The following SLC16A3 variants were observed in gnomAD, a reference collection of about 807,000 sequenced individuals.
The protein encoded by SLC16A3 is monocarboxylate transporter 4.
In SLC16A3, 22 loss-of-function variants were observed where a neutral mutation model predicts 25.0. The ratio of observed to expected loss-of-function variants is 0.88; its 90% CI spans 0.63 to 1.26. SLC16A3 has a LOEUF of 1.26. SLC16A3 is among the 50% of genes most tolerant of loss of function. SLC16A3 has a pLI of 0.00. For missense variants in SLC16A3, 731 were observed against 666.6 expected (o/e 1.10, Z -1.06); for synonymous variants, 390 against 309.2 (o/e 1.26, Z -2.74).
chr17:82,236,055 C>T lies in SLC16A3; in HGVS notation c.47C>T (p.Pro16Leu), dbSNP rs1366902005. The T allele has an allele frequency of 1.9e-6, 3 of 1,612,670 alleles. No homozygotes were observed. The highest frequency in any genetic ancestry group is 2.5e-6 in the Non-Finnish European group (3 of 1,179,850). The part of the protein sequence containing the change: ...VDEGPTGVKA[P>L]DGGWGWAVLF... Reference sequence around the variant, plus strand: ...GAGGGCCCCACAGGCGTCAAGGCCCCTGACGGCGGCTGGGGCTGGGCCGTG... The same window carrying T: ...GAGGGCCCCACAGGCGTCAAGGCCCTTGACGGCGGCTGGGGCTGGGCCGTG... The change falls in exon 2 of 5, where the codon CCT (proline) becomes CTT (leucine). Residue 16 changes from proline (P) to leucine (L), a missense_variant. Physicochemically the swap from Pro to Leu is moderately conservative, Grantham distance 98. Transcript: ENST00000582743.
Position 82,235,701 on chromosome 17 carries a change from G to A in SLC16A3, c.-26-282G>A, listed in dbSNP as rs143487973. On this transcript the variant is annotated intron_variant, in intron 1 of 4. Coordinates refer to ENST00000582743, the MANE Select transcript of SLC16A3 (RefSeq NM_004207.4). ...TCCTGTCGGGGGCTGCTTGTCCCAG[G>A]AGGTAATCTGAGTCCTGGCCGAGCC... 1,520 of 480,202 alleles carry A rather than the reference G, an allele frequency of 3.2e-3. 14 individuals carry two copies. The highest frequency in any genetic ancestry group is 4.4e-3 in the Non-Finnish European group (1,140 of 261,434). 29.7% of individuals were successfully genotyped at this position (480,202 alleles called of 1,614,324 possible). A position where few individuals can be genotyped will look rare whatever the true frequency, so the allele number is the denominator to read the frequency against.
At position 82,236,209 on chromosome 17, in the gene SLC16A3, GC is replaced by G; in HGVS notation, c.202del (p.Leu68TrpfsTer15). On this transcript the variant is annotated frameshift_variant, in exon 2 of 5. Transcript: ENST00000582743. LOFTEE classifies it high-confidence loss of function. ...SDTAWISSILLAMLYGTGPLC... is the reference protein window; with the variant it reads ...SDTAWISSILXAMLYGTGPLC... ...ACACAGCCTGGATCTCCTCCATCCT[GC>G]TGGCCATGCTCTACGGGACAGGTGA... is the stretch of plus-strand genomic sequence containing the variant. The G allele has an allele frequency of 6.2e-7, 1 of 1,612,928 alleles. No individual in the cohort carries two copies. Among genetic ancestry groups the G allele is most frequent in the Non-Finnish European group, 8.5e-7 (1 of 1,179,942 alleles).
rs752663904 is a variant in SLC16A3, at chr17:82,237,632, G to C, written c.862G>C (p.Gly288Arg). Reference sequence around the variant, plus strand: ...GGCCGCGGGCTTCGTGGCGGGGCTTGGGAAGGTGCGGCCCTACTCCGTCTA... The same window carrying C: ...GGCCGCGGGCTTCGTGGCGGGGCTTCGGAAGGTGCGGCCCTACTCCGTCTA... ...RPAAGFVAGL[G>R]KVRPYSVYLF... The change falls in exon 4 of 5, where the codon GGG becomes CGG. Residue 288 changes from glycine (G) to arginine (R), a missense_variant. Gly to Arg is a moderately radical substitution (Grantham distance 125). Transcript: ENST00000582743. The C allele has an allele frequency of 6.8e-6, 11 of 1,612,746 alleles. No individual in the cohort carries two copies. The Admixed American group carries it at 1.2e-4, about 17-fold the overall frequency.
intron 1 of SLC16A3, among the ~76,000 whole-genome samples, chr17:82,233,178 G>C (rs2050528204): frequency 6.6e-6 from 1 of 152,222 alleles, no homozygotes; most frequent in Admixed American, 6.5e-5. Context: ...TGGGCAGACA[G>C]CTGGCTCCAA....
In SLC16A3 at chr17:82,237,458, C is replaced by G. The variant is rs750933594; in HGVS notation, c.688C>G (p.Leu230Val). 5 of 1,605,456 alleles carry G rather than the reference C, an allele frequency of 3.1e-6. No individual in the cohort carries two copies. Among genetic ancestry groups the G allele is most frequent in the Non-Finnish European group, 4.2e-6 (5 of 1,177,968 alleles). The change falls in exon 4 of 5, where the codon CTT (leucine) becomes GTT (valine). Residue 230 changes from leucine (L) to valine (V), a missense_variant. Leu to Val is a conservative substitution (Grantham distance 32). Transcript: ENST00000582743. ...LSVFRDRGFV[L>V]YAVAASVMVL... The stretch of plus-strand genomic sequence containing the variant: ...CGTCTTCCGGGACCGCGGCTTTGTG[C>G]TTTACGCCGTGGCCGCCTCGGTCAT...
intron 1 of SLC16A3, among the ~76,000 whole-genome samples, chr17:82,218,340 TG>T (rs34801088): frequency 5.9e-5 from 3 of 50,746 alleles, no homozygotes; most frequent in African/African-American, 1.7e-4. Flanking sequence ...CCTCGGTCAC[TG>T]GGGGGGTGGA....
rs760307194 is a variant in SLC16A3 at position 82,236,847 on chromosome 17, C to T, written c.342C>T (p.Val114=). ...AASFCRSIIQ[V]YLTTGVITGL... ...CCTTTTGCCGGAGCATCATCCAGGT[C>T]TACCTCACCACTGGGGTCATCACGG... The change falls in exon 3 of 5, where the codon GTC becomes GTT. Residue 114 remains valine, a synonymous_variant. Transcript: ENST00000582743. 1 of 1,606,956 alleles carries T rather than the reference C, an allele frequency of 6.2e-7. No homozygotes were observed. The highest frequency in any genetic ancestry group is 2.2e-5 in the East Asian group (1 of 44,876).
rs2050692372 is a variant in SLC16A3, at chr17:82,238,899, C to CGG, written c.1323_1324dup (p.Glu442GlyfsTer7). 1.2e-6 allele frequency: 2 copies of CGG among 1,601,050 alleles called. No individual in the cohort carries two copies. The highest frequency in any genetic ancestry group is 4.5e-5 in the East Asian group (2 of 44,448). ...TCCTGCAGACTCGGGGGTGGACTTG[C>CGG]GGGAGGTGGAGCATTTCCTGAAGGC... On this transcript the variant is annotated frameshift_variant, in exon 5 of 5. Transcript: ENST00000582743. LOFTEE classifies it high-confidence loss of function.
chr17:82,223,602 T>C (rs2050402094), upstream of SLC16A3, among the ~76,000 whole-genome samples: 1 of 152,134 alleles, frequency 6.6e-6, no homozygotes, highest in South Asian at 2.1e-4. Context: ...CCTCCTGGGT[T>C]CAAGTGATTC....
upstream of SLC16A3, among the ~76,000 whole-genome samples, chr17:82,228,831 C>T (rs2050447074): frequency 6.6e-6 from 1 of 151,564 alleles, no homozygotes; most frequent in Non-Finnish European, 1.5e-5. Context: ...GGGCCGGGGG[C>T]GCCGACGGGG....
upstream of SLC16A3, among the ~76,000 whole-genome samples, chr17:82,227,895 G>A (rs1282709228): frequency 6.6e-6 from 1 of 152,198 alleles, no homozygotes. Context: ...AGAAAGAACA[G>A]GCGGCCTTAC....
Position 82,238,844 on chromosome 17 carries a change from G to A in SLC16A3, c.1266G>A (p.Ala422=), listed in dbSNP as rs61761949. 1,622 of 1,612,444 alleles carry A rather than the reference G, an allele frequency of 1.0e-3. No individual in the cohort carries two copies. The highest frequency in any genetic ancestry group is 1.2e-3 in the Non-Finnish European group (1,431 of 1,179,694). The change falls in exon 5 of 5, where the codon GCG becomes GCA. Residue 422 remains alanine, a synonymous_variant. Transcript: ENST00000582743. ...CCAAAGAGCCACAGCCTGAGGTGGC[G>A]GCCGCGGAGGAGGAGAAGCTCCACA... is the stretch of plus-strand genomic sequence containing the variant. ...KKPKEPQPEV[A]AAEEEKLHKP... is the part of the protein sequence containing the mutation.
rs372717608 is a variant in SLC16A3 at position 82,236,119 on chromosome 17, C to T, written c.111C>T (p.Ala37=). The change falls in exon 2 of 5, where the codon GCC becomes GCT. Residue 37 remains alanine, a synonymous_variant. Transcript: ENST00000582743. ...TCGTCATCACTGGCTTCTCCTACGC[C>T]TTCCCCAAGGCCGTCAGTGTCTTCT... is the stretch of plus-strand genomic sequence containing the variant. The part of the protein sequence containing the change: ...GCFVITGFSY[A]FPKAVSVFFK... 5.2e-5 allele frequency: 84 copies of T among 1,613,120 alleles called. No individual in the cohort carries two copies. The East Asian group carries it at 1.0e-3, about 19-fold the overall frequency.
At position 82,237,653 on chromosome 17, in the gene SLC16A3, G is replaced by GTCT; in HGVS notation, c.884_886dup (p.Val295_Tyr296insPhe). The GTCT allele has an allele frequency of 6.2e-7, 1 of 1,612,880 alleles. No homozygotes were observed. On this transcript the variant is annotated inframe_insertion, in exon 4 of 5. Coordinates refer to ENST00000582743, the MANE Select transcript of SLC16A3 (RefSeq NM_004207.4). ...GCTTGGGAAGGTGCGGCCCTACTCC[G>GTCT]TCTACCTCTTCAGCTTCTCCATGTT...
At chr17:82,231,631 G>A in intron 1 of SLC16A3, 1 of 152,366 alleles carries the variant, frequency 6.6e-6, no homozygotes, top group Non-Finnish European at 1.5e-5. Flanking sequence ...AAAGCTCTGA[G>A]ACCCCGCAGT....
At chr17:82,218,344 G>T (rs867849264) in intron 1 of SLC16A3, among the ~76,000 whole-genome samples, 58 of 131,470 alleles carry the variant, frequency 4.4e-4, no homozygotes, top group African/African-American at 1.6e-3. Flanking sequence ...GGTCACTGGG[G>T]GGGTGGACGG....
intron 4 of SLC16A3, 106 bp downstream of exon 4, chr17:82,237,999 GA>G: frequency 7.5e-7 from 1 of 1,325,598 alleles, no homozygotes; most frequent in Non-Finnish European, 1.0e-6. Context: ...CGCAGTGTGG[GA>G]CTCAGAGCTG....
At chr17:82,223,979 C>A (rs1166134543), upstream of SLC16A3, among the ~76,000 whole-genome samples, 2 of 151,332 alleles carry the variant, frequency 1.3e-5, no homozygotes, top group Non-Finnish European at 3.0e-5. Flanking sequence ...TGCACAGACA[C>A]CCCTACACCT....
At chr17:82,222,861 A>G (rs2050397961) in intron 1 of SLC16A3, among the ~76,000 whole-genome samples, 1 of 151,680 alleles carries the variant, frequency 6.6e-6, no homozygotes, top group Non-Finnish European at 1.5e-5. Context: ...ATGGACGAAC[A>G]TGGAAGGAAG....
Sources: allele counts gnomAD v4.1 joint callset (sites outside exome capture counted in the v4.1 genomes callset), GRCh38; gene constraint gnomAD v4.1.1; transcripts MANE v1.5; gene names NCBI Gene and HGNC (gene_info 2026-07-23, HGNC 2026-07-21).